UBR2: variants seen among roughly 807,000 people sequenced by gnomAD.
The protein encoded by UBR2 is ubiquitin protein ligase E3 component n-recognin 2.
Under a neutral mutation model 247.9 loss-of-function variants are expected in UBR2, and 92 were observed. The observed-to-expected ratio is 0.37, with a 90% confidence interval of 0.31 to 0.44. The LOEUF (loss-of-function observed/expected upper bound fraction) is 0.44. Ranked by LOEUF, UBR2 falls within the 20% of genes least tolerant of loss-of-function variation. The pLI, the probability that UBR2 is intolerant of heterozygous loss-of-function variation, is 1.00. For missense variants in UBR2, 1,613 were observed against 2,112.6 expected, an observed-to-expected ratio of 0.76 and a Z score of 4.64; for synonymous variants, 672 against 693.5, an observed-to-expected ratio of 0.97 and a Z score of 0.49.
In UBR2 at chr6:42,650,324, C is replaced by G; in HGVS notation, c.2503C>G (p.Pro835Ala). 6.2e-7 allele frequency: 1 copy of G among 1,613,972 alleles called. No individual in the cohort carries two copies. The highest frequency in any genetic ancestry group is 8.5e-7 in the Non-Finnish European group (1 of 1,179,910). The part of the protein sequence containing the change: ...LTGRGMYELK[P>A]ECAKEFNLYF... The stretch of plus-strand genomic sequence containing the variant: ...AGGACGAGGCATGTATGAACTGAAA[C>G]CAGAATGTGCCAAAGAGTTCAACTT... The change falls in exon 23 of 47, where the codon CCA (proline) becomes GCA (alanine). Residue 835 changes from proline to alanine, a missense_variant. Pro to Ala is a conservative substitution (Grantham distance 27). Around this residue, in one of 3 missense-constraint regions of UBR2, gnomAD observed 1,524 missense variants for 1,967.3 expected, o/e 0.77. Coordinates refer to ENST00000372901, the MANE Select transcript of UBR2 (RefSeq NM_001363705.2).
intron 23 of UBR2, among the ~76,000 whole-genome samples, chr6:42,651,334 C>A (rs1797097173): frequency 6.6e-6 from 1 of 151,316 alleles, no homozygotes; most frequent in Non-Finnish European, 1.5e-5. Flanking sequence ...TTGATGAAGT[C>A]ATAGAGTTCA....
chr6:42,565,275 G>A (rs1337063263), intron 1 of UBR2, among the ~76,000 whole-genome samples: 1 of 152,208 alleles, frequency 6.6e-6, no homozygotes, highest in Non-Finnish European at 1.5e-5. Context: ...TGCCGAGAAT[G>A]ATTATGAATG....
At chr6:42,617,984 A>G (rs756663795) in intron 11 of UBR2, among the ~76,000 whole-genome samples, 4 of 152,246 alleles carry the variant, frequency 2.6e-5, no homozygotes, top group Non-Finnish European at 5.9e-5. Context: ...CCATAAAGGC[A>G]TCGTTATGTT....
At chr6:42,620,809 G>T (rs1236829410) in intron 11 of UBR2, among the ~76,000 whole-genome samples, 3 of 150,650 alleles carry the variant, frequency 2.0e-5, no homozygotes, top group African/African-American at 7.3e-5. Flanking sequence ...AATTTTGTTT[G>T]TTTGTTTGTT....
At chr6:42,632,978 T>G (rs1370300488) in intron 13 of UBR2, 74 bp downstream of exon 13, 14 of 964,018 alleles carry the variant, frequency 1.5e-5, no homozygotes, top group Non-Finnish European at 2.0e-5. Context: ...TTTTTTTTAA[T>G]TTTTCTTTTT....
chr6:42,600,754 TCCA>T (rs1183956054), intron 4 of UBR2, among the ~76,000 whole-genome samples: 4 of 151,900 alleles, frequency 2.6e-5, no homozygotes, highest in Non-Finnish European at 5.9e-5. Flanking sequence ...CACTTTAGCC[TCCA>T]CCTGTCAGGC....
chr6:42,638,106 C>T (rs1006733790), intron 15 of UBR2, among the ~76,000 whole-genome samples: 2 of 152,062 alleles, frequency 1.3e-5, no homozygotes, highest in Non-Finnish European at 2.9e-5. Context: ...TGACAGAATT[C>T]ACCAGTGAAG....
chr6:42,624,129 G>GTTTGT (rs936623516), intron 11 of UBR2, among the ~76,000 whole-genome samples: 11 of 140,066 alleles, frequency 7.9e-5, no homozygotes, highest in East Asian at 2.5e-4. Context: ...TTTTTTGTTT[G>GTTTGT]TTTGTTTTGT....
intron 20 of UBR2, 114 bp from the exon 21 acceptor site, chr6:42,645,352 A>G (rs1796693628): frequency 2.0e-6 from 2 of 998,354 alleles, no homozygotes; most frequent in Non-Finnish European, 3.0e-6. Context: ...TTACTTTCCC[A>G]TTGCTCAGAC....
chr6:42,581,914 CT>C (rs1452261773), intron 2 of UBR2, among the ~76,000 whole-genome samples: 1 of 152,136 alleles, frequency 6.6e-6, no homozygotes, highest in Non-Finnish European at 1.5e-5. Flanking sequence ...TTATTCTATA[CT>C]TAACCACATT....
intron 11 of UBR2, among the ~76,000 whole-genome samples, chr6:42,623,974 A>T (rs1003849589): frequency 2.6e-5 from 4 of 151,606 alleles, no homozygotes; most frequent in Non-Finnish European, 4.4e-5. Flanking sequence ...GTGCACCCTT[A>T]TTTGTGAGAG....
At position 42,616,477 on chromosome 6, in the gene UBR2, A is replaced by G. The variant is rs1330162462; in HGVS notation, c.1182+387A>G. Reference sequence around the variant, plus strand: ...TTGTGCATTTTAAAATTAGCATTGCAGTCTTAGTCTTTAAAAAAAAATAGA... The same window carrying G: ...TTGTGCATTTTAAAATTAGCATTGCGGTCTTAGTCTTTAAAAAAAAATAGA... On this transcript the variant is annotated intron_variant, in intron 10 of 46. Coordinates refer to ENST00000372901, the MANE Select transcript of UBR2 (RefSeq NM_001363705.2). 4.6e-5 allele frequency among the ~76,000 whole-genome samples: 7 copies of G among 151,938 alleles called. No homozygotes were observed. The East Asian group carries it at 1.3e-3, about 29-fold the overall frequency.
At position 42,615,992 on chromosome 6, in the gene UBR2, T is replaced by C; in HGVS notation, c.1094-10T>C. The C allele has an allele frequency of 6.4e-7, 1 of 1,569,836 alleles. No homozygotes were observed. Among genetic ancestry groups the C allele is most frequent in the South Asian group, 1.2e-5 (1 of 83,846 alleles). The stretch of plus-strand genomic sequence containing the variant: ...TGTCCTTATCTTATACCGTGATCTT[T>C]TTCTACAAGGTGCTAGGAGTGTATA... On this transcript the variant is annotated splice_polypyrimidine_tract_variant and intron_variant, in intron 9 of 46. Coordinates refer to ENST00000372901, the MANE Select transcript of UBR2 (RefSeq NM_001363705.2).
At chr6:42,676,744 T>C (rs764444784) in intron 39 of UBR2, 39 bp from the exon 40 acceptor site, 4 of 1,507,400 alleles carry the variant, frequency 2.7e-6, no homozygotes, top group South Asian at 2.3e-5. Flanking sequence ...TAACACTTAA[T>C]TGGAAAATAC....
At chr6:42,578,992 C>G (rs902325307) in intron 2 of UBR2, among the ~76,000 whole-genome samples, 1 of 151,948 alleles carries the variant, frequency 6.6e-6, no homozygotes, top group Non-Finnish European at 1.5e-5. Flanking sequence ...CACACACACA[C>G]ACACACAAAC....
At chr6:42,620,731 G>A (rs184496302) in intron 11 of UBR2, among the ~76,000 whole-genome samples, 109 of 151,730 alleles carry the variant, frequency 7.2e-4, no homozygotes, top group Non-Finnish European at 1.2e-3. Flanking sequence ...CTGGGATTAC[G>A]GGCATGAGCC....
chr6:42,599,618 T>G (rs112136547), intron 4 of UBR2, among the ~76,000 whole-genome samples: 52 of 151,282 alleles, frequency 3.4e-4, no homozygotes, highest in East Asian at 2.7e-3. Flanking sequence ...GGGGGTTTTT[T>G]TTGTTGTTGT....
At chr6:42,571,424 G>T (rs1191724849) in intron 1 of UBR2, among the ~76,000 whole-genome samples, 1 of 151,876 alleles carries the variant, frequency 6.6e-6, no homozygotes, top group Non-Finnish European at 1.5e-5. Flanking sequence ...AACTTTCTAG[G>T]ATCATGGAGG....
chr6:42,683,980 A>G (rs967304808), intron 43 of UBR2, among the ~76,000 whole-genome samples: 1 of 152,290 alleles, frequency 6.6e-6, no homozygotes, highest in Non-Finnish European at 1.5e-5. Context: ...TATCTGTCCT[A>G]TTTGTTTGCT....
Sources: gnomAD v4.1 joint callset for allele counts (sites outside exome capture counted in the v4.1 genomes callset) on GRCh38, gnomAD v4.1.1 for gene constraint, gnomAD v4.1.1 regional missense constraint, MANE v1.5 for transcripts, NCBI Gene and HGNC (gene_info 2026-07-23, HGNC 2026-07-21) for gene names.